NLK: variants seen among roughly 807,000 people sequenced by gnomAD.
NLK encodes the protein serine/threonine-protein kinase NLK.
NLK carries 11 observed loss-of-function variants against 59.0 expected under a neutral mutation model. The ratio of observed to expected loss-of-function variants is 0.19; its 90% CI spans 0.12 to 0.31. NLK has a LOEUF of 0.31. NLK is among the 10% of genes least tolerant of loss of function. The pLI, the probability that NLK is intolerant of heterozygous loss-of-function variation, is 1.00. For missense variants in NLK, 410 were observed against 661.1 expected (o/e 0.62, Z 4.16); for synonymous variants, 235 against 235.9 (o/e 1.00, Z 0.03).
At chr17:28,068,678 A>T (rs1448686177) in intron 1 of NLK, among the ~76,000 whole-genome samples, 2 of 152,122 alleles carry the variant, frequency 1.3e-5, no homozygotes, top group African/African-American at 4.8e-5. Context: ...TTTAATTTTT[A>T]AAATTTTTTC....
intron 3 of NLK, among the ~76,000 whole-genome samples, chr17:28,134,844 C>T (rs888439919): frequency 2.6e-5 from 4 of 152,104 alleles, no homozygotes; most frequent in Non-Finnish European, 5.9e-5. Context: ...TTTAAAAGTA[C>T]AAAATTAACC....
intron 3 of NLK, among the ~76,000 whole-genome samples, chr17:28,139,200 G>A (rs1906883237): frequency 6.6e-6 from 1 of 152,146 alleles, no homozygotes; most frequent in South Asian, 2.1e-4. Flanking sequence ...AGATTGCAGT[G>A]ATCGTGCCAC....
chr17:28,192,350 G>T, intron 10 of NLK, 137 bp downstream of exon 10: 2 of 598,412 alleles, frequency 3.3e-6, no homozygotes. Flanking sequence ...ATGAGGTTTG[G>T]CTTTAGTCAA....
intron 1 of NLK, among the ~76,000 whole-genome samples, chr17:28,113,178 T>C (rs548461626): frequency 2.0e-4 from 31 of 152,262 alleles, no homozygotes; most frequent in East Asian, 7.7e-4. Flanking sequence ...ATACACAAAA[T>C]AAAATGTATA....
intron 1 of NLK, among the ~76,000 whole-genome samples, chr17:28,047,093 G>A (rs1179734472): frequency 6.6e-6 from 1 of 152,192 alleles, no homozygotes; most frequent in Non-Finnish European, 1.5e-5. Flanking sequence ...ATAAAATGGG[G>A]ATAATAATAG....
At chr17:28,205,741 A>G in the NLK span, among the ~76,000 whole-genome samples, 1 of 151,894 alleles carries the variant, frequency 6.6e-6, no homozygotes, top group African/African-American at 2.4e-5. Flanking sequence ...ATTTAGCTTA[A>G]AAAAAAATCC....
the NLK span, among the ~76,000 whole-genome samples, chr17:28,203,653 C>T: frequency 6.6e-6 from 1 of 152,168 alleles, no homozygotes; most frequent in Non-Finnish European, 1.5e-5. Context: ...TCTCCTACCT[C>T]ACTCTCCCAC....
chr17:28,060,085 G>A lies in NLK; in HGVS notation c.458+16754G>A, dbSNP rs144978532. Among the ~76,000 whole-genome samples, 994 of 152,264 alleles carry A rather than the reference G, an allele frequency of 6.5e-3. 17 individuals are homozygous for A. Among genetic ancestry groups the A allele is most frequent in the African/African-American group, 0.022 (928 of 41,550 alleles). On this transcript the variant is annotated intron_variant, in intron 1 of 10. Coordinates refer to ENST00000407008, the MANE Select transcript of NLK (RefSeq NM_016231.5). ...AAAATGTAACTGTCATGAGCAGCAT[G>A]CACCAGTCCCAGCACACTGGTTTAT...
chr17:28,172,482 A>T (rs757471437), intron 6 of NLK, 35 bp from the exon 7 acceptor site: 1 of 1,390,862 alleles, frequency 7.2e-7, no homozygotes, highest in Non-Finnish European at 9.7e-7. Flanking sequence ...TATTTCCATG[A>T]GATTACTATC....
At chr17:28,181,668 G>T (rs1233365191) in intron 7 of NLK, among the ~76,000 whole-genome samples, 2 of 152,082 alleles carry the variant, frequency 1.3e-5, no homozygotes, top group African/African-American at 2.4e-5. Flanking sequence ...ATACTGTATG[G>T]GTTCTGTGCA....
intron 1 of NLK, among the ~76,000 whole-genome samples, chr17:28,097,594 A>G (rs961919093): frequency 6.6e-6 from 1 of 152,160 alleles, no homozygotes; most frequent in African/African-American, 2.4e-5. Flanking sequence ...CGTTATTTTA[A>G]AGCAGGCACA....
chr17:28,201,886 C>T, the NLK span, among the ~76,000 whole-genome samples: 5 of 151,970 alleles, frequency 3.3e-5, no homozygotes, highest in South Asian at 2.1e-4. Context: ...CGTGGTGGCT[C>T]ATGCCTGTAG....
chr17:28,120,330 A>G (rs992873622), intron 1 of NLK, among the ~76,000 whole-genome samples: 4 of 150,752 alleles, frequency 2.7e-5, no homozygotes, highest in African/African-American at 9.8e-5. Flanking sequence ...CTGGTCTCAA[A>G]CTCCTGGCCT....
chr17:28,160,806 A>C (rs1907974424), intron 3 of NLK, among the ~76,000 whole-genome samples: 1 of 152,140 alleles, frequency 6.6e-6, no homozygotes, highest in Admixed American at 6.6e-5. Flanking sequence ...ATTTGTTTGG[A>C]TTCAAAGGAC....
chr17:28,089,009 A>G lies in NLK; in HGVS notation c.459-33594A>G, dbSNP rs372751884. Among the ~76,000 whole-genome samples the G allele has an allele frequency of 9.8e-5, 15 of 152,340 alleles. No individual in the cohort carries two copies. The South Asian group carries it at 1.4e-3, about 15-fold the overall frequency. On this transcript the variant is annotated intron_variant, in intron 1 of 10. Transcript: ENST00000407008. ...AGAAATGATAGAATTAGAACTTCAC[A>G]TAAGTATTCATTTGTTCACCTCACA...
chr17:28,201,105 G>C (rs1392678690), downstream of NLK, among the ~76,000 whole-genome samples: 2 of 152,000 alleles, frequency 1.3e-5, no homozygotes, highest in Non-Finnish European at 2.9e-5. Context: ...TTTTAGACAG[G>C]GTCTCCCTCT....
At chr17:28,177,248 A>G (rs1215217681) in intron 7 of NLK, among the ~76,000 whole-genome samples, 5 of 152,206 alleles carry the variant, frequency 3.3e-5, no homozygotes, top group African/African-American at 1.2e-4. Flanking sequence ...GGACCCATGC[A>G]ATTCAAACCT....
intron 3 of NLK, among the ~76,000 whole-genome samples, chr17:28,159,718 T>C (rs146665096): frequency 1.3e-5 from 2 of 152,326 alleles, no homozygotes; most frequent in Admixed American, 6.5e-5. Flanking sequence ...GCTTAAAAAT[T>C]ATATTTTCTA....
intron 1 of NLK, among the ~76,000 whole-genome samples, chr17:28,068,631 T>C (rs1008381830): frequency 1.3e-5 from 2 of 152,196 alleles, no homozygotes; most frequent in African/African-American, 4.8e-5. Context: ...AGTTGATTAA[T>C]GTTTTGTATA....
Sources: allele counts gnomAD v4.1 joint callset (sites outside exome capture counted in the v4.1 genomes callset), GRCh38; gene constraint gnomAD v4.1.1; transcripts MANE v1.5; gene names NCBI Gene and HGNC (gene_info 2026-07-23, HGNC 2026-07-21).